TLL2: variants seen among roughly 807,000 people sequenced by gnomAD.
TLL2 encodes the protein tolloid like 2, also known as tolloid-like protein 2.
TLL2 carries 106 observed loss-of-function variants against 123.0 expected under a neutral mutation model. That is an observed-to-expected ratio of 0.86 (90% CI 0.74 to 1.01). The LOEUF is 1.01. Ranked by LOEUF, TLL2 falls within the 50% of genes least tolerant of loss-of-function variation. TLL2 has a pLI of 0.00. For synonymous variants in TLL2, 494 were observed against 516.8 expected (o/e 0.96, Z 0.60); for missense variants, 1,332 against 1,336.7 (o/e 1.00, Z 0.06).
At chr10:96,483,961 A>G (rs539994440) in intron 1 of TLL2, among the ~76,000 whole-genome samples, 3 of 151,976 alleles carry the variant, frequency 2.0e-5, no homozygotes, top group East Asian at 1.9e-4. Context: ...TCGTTCCTCT[A>G]CCTCCCATGT....
At chr10:96,510,886 C>T (rs1303603207) in intron 1 of TLL2, among the ~76,000 whole-genome samples, 2 of 152,140 alleles carry the variant, frequency 1.3e-5, no homozygotes, top group Non-Finnish European at 2.9e-5. Flanking sequence ...TTGATGAGGA[C>T]CAAGAGCACA....
intron 2 of TLL2, among the ~76,000 whole-genome samples, chr10:96,472,315 C>T (rs183656695): frequency 1.4e-4 from 21 of 152,284 alleles, no homozygotes; most frequent in Admixed American, 1.2e-3. Context: ...CCCCACTGAC[C>T]CATTCTCATT....
intron 12 of TLL2, 74 bp from the exon 13 acceptor site, chr10:96,395,456 C>A: frequency 7.0e-7 from 1 of 1,423,146 alleles, no homozygotes; most frequent in Non-Finnish European, 9.4e-7. Context: ...GAAGAGAACC[C>A]AAATATCACT....
chr10:96,366,103 T>C lies in TLL2; in HGVS notation c.*1985A>G, dbSNP rs959139682. ...CATCTTAGGTTTCCCAGTTCCAGTT[T>C]CAACTCTCATAGACAAGATGAGACC... On this transcript the variant is annotated 3_prime_UTR_variant, in exon 21 of 21. Coordinates refer to ENST00000357947, the MANE Select transcript of TLL2 (RefSeq NM_012465.4). 1.3e-5 allele frequency: 2 copies of C among 152,198 alleles called. No homozygotes were observed. Among genetic ancestry groups the C allele is most frequent in the Non-Finnish European group, 2.9e-5 (2 of 68,042 alleles). 9.4% of individuals were successfully genotyped at this position (152,198 alleles called of 1,614,324 possible). A position where few individuals can be genotyped will look rare whatever the true frequency, so the allele number is the denominator to read the frequency against.
chr10:96,493,461 C>T (rs1275965651), intron 1 of TLL2, among the ~76,000 whole-genome samples: 2 of 152,138 alleles, frequency 1.3e-5, no homozygotes, highest in South Asian at 2.1e-4. Flanking sequence ...AAGAGCAAGG[C>T]ACTGTCAGGG....
At chr10:96,473,188 C>T (rs530724289) in intron 2 of TLL2, among the ~76,000 whole-genome samples, 1 of 152,178 alleles carries the variant, frequency 6.6e-6, no homozygotes, top group Non-Finnish European at 1.5e-5. Flanking sequence ...GGCGTGTTGG[C>T]TAATCCCTGT....
At chr10:96,461,221 A>T (rs1480894034) in intron 2 of TLL2, among the ~76,000 whole-genome samples, 2 of 152,228 alleles carry the variant, frequency 1.3e-5, no homozygotes, top group Non-Finnish European at 2.9e-5. Flanking sequence ...CAAGTTTATT[A>T]TGCATCTAAA....
At position 96,422,583 on chromosome 10, in the gene TLL2, T is replaced by C; in HGVS notation, c.783A>G (p.Gln261=). ...WHEHTRPDRD[Q]HVTIIRENIQ... ...TGTTTTCCCTGATGATGGTGACATG[T>C]TGGTCTCTGTCTGGCCGGGTGTGTT... Residue 261 remains glutamine (Q), a synonymous_variant, in exon 6 of 21, where the codon CAA becomes CAG. Coordinates refer to ENST00000357947, the MANE Select transcript of TLL2 (RefSeq NM_012465.4). 3 of 1,614,210 alleles carry C rather than the reference T, an allele frequency of 1.9e-6. No individual in the cohort carries two copies. The highest frequency in any genetic ancestry group is 1.7e-4 in the Middle Eastern group (1 of 6,054).
intron 2 of TLL2, among the ~76,000 whole-genome samples, chr10:96,462,705 A>C (rs1281591873): frequency 2.0e-5 from 3 of 152,194 alleles, no homozygotes; most frequent in African/African-American, 4.8e-5. Flanking sequence ...TTAACATTGG[A>C]TTCCCAGCCA....
At chr10:96,435,119 C>T (rs931171001) in intron 3 of TLL2, among the ~76,000 whole-genome samples, 1 of 150,952 alleles carries the variant, frequency 6.6e-6, no homozygotes, top group African/African-American at 2.4e-5. Flanking sequence ...GCAACCTCTG[C>T]CTCCCGGGTT....
At chr10:96,504,932 T>C (rs1421607230) in intron 1 of TLL2, among the ~76,000 whole-genome samples, 1 of 152,098 alleles carries the variant, frequency 6.6e-6, no homozygotes, top group Non-Finnish European at 1.5e-5. Context: ...GGCGTGAACC[T>C]GGGAGGCAGA....
chr10:96,498,827 G>C (rs538051373), intron 1 of TLL2, among the ~76,000 whole-genome samples: 5 of 152,324 alleles, frequency 3.3e-5, no homozygotes, highest in African/African-American at 7.2e-5. Flanking sequence ...CTGAGGGAGA[G>C]TGGAGTGGCA....
At chr10:96,411,579 TG>T (rs1846507827) in intron 8 of TLL2, among the ~76,000 whole-genome samples, 1 of 152,198 alleles carries the variant, frequency 6.6e-6, no homozygotes, top group Admixed American at 6.5e-5. Flanking sequence ...TATGAATCCT[TG>T]GAAACTACAG....
intron 13 of TLL2, among the ~76,000 whole-genome samples, chr10:96,390,603 C>A (rs1846277743): frequency 6.6e-6 from 1 of 152,254 alleles, no homozygotes; most frequent in Admixed American, 6.5e-5. Context: ...AAGGCAAGAG[C>A]TTCTTTGGCT....
At chr10:96,470,617 T>A (rs1847169981) in intron 2 of TLL2, among the ~76,000 whole-genome samples, 1 of 152,170 alleles carries the variant, frequency 6.6e-6, no homozygotes, top group African/African-American at 2.4e-5. Flanking sequence ...GGAACAGGGT[T>A]AGAAGTGATG....
rs144757668 is a variant in TLL2, at chr10:96,463,760, C to T, written c.286+16589G>A. 3.3e-3 allele frequency among the ~76,000 whole-genome samples: 508 copies of T among 152,356 alleles called. 3 individuals are homozygous for T. The highest frequency in any genetic ancestry group is 6.2e-3 in the Non-Finnish European group (423 of 68,030). Reference sequence around the variant, plus strand: ...CATCTAGCAGGGCAGACGCAGCTCACGGCCCCACATGGGAAGTGAACCTGT... The same window carrying T: ...CATCTAGCAGGGCAGACGCAGCTCATGGCCCCACATGGGAAGTGAACCTGT... On this transcript the variant is annotated intron_variant, in intron 2 of 20. Coordinates refer to ENST00000357947, the MANE Select transcript of TLL2 (RefSeq NM_012465.4).
intron 3 of TLL2, among the ~76,000 whole-genome samples, chr10:96,443,745 A>G (rs1488139845): frequency 6.6e-6 from 1 of 152,258 alleles, no homozygotes; most frequent in Non-Finnish European, 1.5e-5. Context: ...CATTTTTACC[A>G]CTAAGTGCTG....
intron 2 of TLL2, among the ~76,000 whole-genome samples, chr10:96,478,812 A>G (rs986905366): frequency 6.6e-6 from 1 of 152,066 alleles, no homozygotes; most frequent in Non-Finnish European, 1.5e-5. Context: ...ACTGGGAGGG[A>G]TGTGAGGAGT....
At chr10:96,419,057 C>T (rs770475813) in intron 7 of TLL2, among the ~76,000 whole-genome samples, 13 of 152,002 alleles carry the variant, frequency 8.6e-5, no homozygotes, top group Non-Finnish European at 1.6e-4. Context: ...ATTTCCCAAA[C>T]AGGTGAATCA....
Sources: gnomAD v4.1 joint callset for allele counts (sites outside exome capture counted in the v4.1 genomes callset) on GRCh38, gnomAD v4.1.1 for gene constraint, MANE v1.5 for transcripts, NCBI Gene and HGNC (gene_info 2026-07-23, HGNC 2026-07-21) for gene names.